NR6A1: variants seen among roughly 807,000 people sequenced by gnomAD.
NR6A1 encodes nuclear receptor subfamily 6 group A member 1, also known as retinoic acid receptor-related testis-associated receptor.
Under a neutral mutation model 59.1 loss-of-function variants are expected in NR6A1, and 7 were observed. That is an observed-to-expected ratio of 0.12 (90% CI 0.07 to 0.22). The LOEUF is 0.22. Ranked by LOEUF, NR6A1 falls within the 10% of genes least tolerant of loss-of-function variation. NR6A1 has a pLI of 1.00. For synonymous variants in NR6A1, 243 were observed against 236.1 expected (o/e 1.03, Z -0.27); for missense variants, 468 against 611.6 (o/e 0.77, Z 2.48).
At chr9:124,683,126 C>G (rs1838222591) in intron 2 of NR6A1, among the ~76,000 whole-genome samples, 1 of 151,962 alleles carries the variant, frequency 6.6e-6, no homozygotes, top group African/African-American at 2.4e-5. Context: ...CACTTGAGCT[C>G]AGGAGGTTGA....
intron 2 of NR6A1, chr9:124,693,815 A>G (rs759125386): frequency 3.8e-6 from 2 of 532,908 alleles, no homozygotes; most frequent in South Asian, 2.8e-5. Flanking sequence ...AGGAAGCAAA[A>G]GCATGTGCAG....
At chr9:124,622,399 C>A (rs1396440479) in intron 2 of NR6A1, among the ~76,000 whole-genome samples, 2 of 152,268 alleles carry the variant, frequency 1.3e-5, no homozygotes, top group African/African-American at 4.8e-5. Flanking sequence ...TAGGTTCAGA[C>A]CGGCAAAACA....
intron 2 of NR6A1, among the ~76,000 whole-genome samples, chr9:124,569,416 C>T (rs1834374879): frequency 6.6e-6 from 1 of 152,202 alleles, no homozygotes; most frequent in African/African-American, 2.4e-5. Flanking sequence ...TCAGGTTACG[C>T]AAATTACATT....
chr9:124,597,234 C>G (rs1217508693), intron 2 of NR6A1, among the ~76,000 whole-genome samples: 1 of 152,162 alleles, frequency 6.6e-6, no homozygotes, highest in African/African-American at 2.4e-5. Context: ...CTGCCACTGC[C>G]ATGACACACT....
chr9:124,619,015 A>G (rs903710923), intron 2 of NR6A1, among the ~76,000 whole-genome samples: 16 of 152,206 alleles, frequency 1.1e-4, no homozygotes, highest in African/African-American at 3.9e-4. Flanking sequence ...TTACGCTACA[A>G]AAGTAATGCC....
chr9:124,750,626 G>C (rs568494621), intron 1 of NR6A1, among the ~76,000 whole-genome samples: 4 of 152,202 alleles, frequency 2.6e-5, no homozygotes, highest in East Asian at 3.9e-4. Context: ...CGGGCGTGGT[G>C]GTGGGCGCCT....
chr9:124,707,235 A>G (rs1437192170), intron 2 of NR6A1, among the ~76,000 whole-genome samples: 1 of 151,940 alleles, frequency 6.6e-6, no homozygotes, highest in Non-Finnish European at 1.5e-5. Flanking sequence ...TAATTCATCT[A>G]TCTACAAGTT....
intron 2 of NR6A1, among the ~76,000 whole-genome samples, chr9:124,588,932 AAG>A: frequency 7.1e-6 from 1 of 141,376 alleles, no homozygotes; most frequent in African/African-American, 3.0e-5. Context: ...AAAAAAAAAA[AAG>A]AAAGAAAAAA....
intron 1 of NR6A1, among the ~76,000 whole-genome samples, chr9:124,768,454 A>C (rs1841002901): frequency 6.6e-6 from 1 of 152,264 alleles, no homozygotes; most frequent in Admixed American, 6.5e-5. Flanking sequence ...ATAAGTGCTA[A>C]TGAACATAAA....
rs1204703211 is a variant in NR6A1, at chr9:124,526,272, T to TTGTGTG, written c.1201+501_1201+506dup. On this transcript the variant is annotated intron_variant, in intron 8 of 9. Coordinates refer to ENST00000487099, the MANE Select transcript of NR6A1 (RefSeq NM_033334.4). ...TCTTTTAATTAAAAGCCATGCTTGA[T>TTGTGTG]TGTGTGTATGTGTGTATGTGTGTGT... is the stretch of plus-strand genomic sequence containing the variant. Among the ~76,000 whole-genome samples, 12 of 150,174 alleles carry TTGTGTG rather than the reference T, an allele frequency of 8.0e-5. No individual in the cohort carries two copies. In the South Asian group the frequency reaches 2.3e-3, roughly 29 times the overall value.
intron 1 of NR6A1, among the ~76,000 whole-genome samples, chr9:124,741,532 C>T (rs1254317925): frequency 6.6e-6 from 1 of 152,172 alleles, no homozygotes; most frequent in Non-Finnish European, 1.5e-5. Flanking sequence ...AACTGTAGAG[C>T]CTGACAATGC....
intron 2 of NR6A1, among the ~76,000 whole-genome samples, chr9:124,578,827 T>A (rs1281761183): frequency 6.6e-6 from 1 of 152,214 alleles, no homozygotes; most frequent in East Asian, 1.9e-4. Context: ...TGGCCCAATT[T>A]AATCCTACCC....
intron 2 of NR6A1, among the ~76,000 whole-genome samples, chr9:124,592,326 G>A (rs750578239): frequency 2.0e-4 from 30 of 152,212 alleles, no homozygotes; most frequent in Non-Finnish European, 3.5e-4. Flanking sequence ...TTAACACAAC[G>A]GAAATGGTAA....
At chr9:124,570,355 T>C (rs1327616505) in intron 2 of NR6A1, among the ~76,000 whole-genome samples, 2 of 152,126 alleles carry the variant, frequency 1.3e-5, no homozygotes, top group Admixed American at 1.3e-4. Context: ...ACTTCTAACT[T>C]GATTGAGACC....
Position 124,680,230 on chromosome 9 carries a change from T to C in NR6A1, c.142+53078A>G, listed in dbSNP as rs74880008. Among the ~76,000 whole-genome samples the C allele has an allele frequency of 2.4e-3, 359 of 152,248 alleles. 1 individual carries two copies. Among genetic ancestry groups the C allele is most frequent in the African/African-American group, 8.3e-3 (344 of 41,538 alleles). ...ATGCTGAACCCTGCACCAGGCACTA[T>C]TAACCTCTGCATCTGGACACTGTTT... On this transcript the variant is annotated intron_variant, in intron 2 of 9. Transcript: ENST00000487099.
chr9:124,761,052 G>A (rs752351253), intron 1 of NR6A1, among the ~76,000 whole-genome samples: 5 of 152,128 alleles, frequency 3.3e-5, no homozygotes, highest in South Asian at 4.1e-4. Context: ...AGACTTCAAG[G>A]GTACAGAAAG....
At chr9:124,608,780 T>C (rs1284212733) in intron 2 of NR6A1, among the ~76,000 whole-genome samples, 3 of 152,246 alleles carry the variant, frequency 2.0e-5, no homozygotes, top group African/African-American at 7.2e-5. Context: ...AGCATTCCTA[T>C]TTCTCTGCAG....
At chr9:124,677,963 C>T (rs1003571649) in intron 2 of NR6A1, among the ~76,000 whole-genome samples, 3 of 151,970 alleles carry the variant, frequency 2.0e-5, no homozygotes, top group Non-Finnish European at 4.4e-5. Flanking sequence ...AGAATGCTAC[C>T]GTAAAAGAGA....
chr9:124,600,988 A>C (rs540541107), intron 2 of NR6A1, among the ~76,000 whole-genome samples: 52 of 149,500 alleles, frequency 3.5e-4, no homozygotes, highest in African/African-American at 1.2e-3. Context: ...TGCTTTAAGA[A>C]AAAAAAAAAA....
Sources: allele counts gnomAD v4.1 joint callset (sites outside exome capture counted in the v4.1 genomes callset), GRCh38; gene constraint gnomAD v4.1.1; transcripts MANE v1.5; gene names NCBI Gene and HGNC (gene_info 2026-07-23, HGNC 2026-07-21).